The following PPP2R2B variants were observed in gnomAD, a reference collection of about 807,000 sequenced individuals.
The protein encoded by PPP2R2B is serine/threonine-protein phosphatase 2A 55 kDa regulatory subunit B beta isoform.
A neutral mutation model predicts 46.0 loss-of-function variants in PPP2R2B; 5 were observed. That is an observed-to-expected ratio of 0.11 (90% CI 0.06 to 0.23). The LOEUF is 0.23. PPP2R2B is among the 10% of genes least tolerant of loss of function. The probability of loss-of-function intolerance (pLI) is 1.00; values close to 1 mark genes in which losing one functional copy is unlikely to be tolerated. For missense variants in PPP2R2B, 367 were observed against 575.0 expected (o/e 0.64, Z 3.70); for synonymous variants, 215 against 206.7 (o/e 1.04, Z -0.34).
At chr5:146,735,207 G>C (rs1752464543) in intron 2 of PPP2R2B, among the ~76,000 whole-genome samples, 1 of 152,094 alleles carries the variant, frequency 6.6e-6, no homozygotes, top group African/African-American at 2.4e-5. Context: ...GTAAAATCAG[G>C]CTGCCAAATG....
intron 1 of PPP2R2B, among the ~76,000 whole-genome samples, chr5:147,010,249 G>T (rs1344307197): frequency 6.6e-6 from 1 of 152,122 alleles, no homozygotes; most frequent in Non-Finnish European, 1.5e-5. Flanking sequence ...GATCCCCAAC[G>T]TTTTTGGCAC....
At chr5:146,867,999 T>C (rs1761406917) in intron 2 of PPP2R2B, among the ~76,000 whole-genome samples, 1 of 152,212 alleles carries the variant, frequency 6.6e-6, no homozygotes, top group Non-Finnish European at 1.5e-5. Context: ...AGAAATTCTA[T>C]TGTGCCTGTC....
chr5:146,939,156 G>C (rs2151827955), intron 1 of PPP2R2B, among the ~76,000 whole-genome samples: 1 of 152,198 alleles, frequency 6.6e-6, no homozygotes, highest in African/African-American at 2.4e-5. Flanking sequence ...CCAGGCTCCA[G>C]GTGGTTCCAA....
At chr5:146,720,672 C>T (rs1000329916) in intron 2 of PPP2R2B, among the ~76,000 whole-genome samples, 1 of 152,140 alleles carries the variant, frequency 6.6e-6, no homozygotes, top group Non-Finnish European at 1.5e-5. Context: ...TAAGGACTTA[C>T]AGATATTTAT....
intron 1 of PPP2R2B, among the ~76,000 whole-genome samples, chr5:146,966,826 AGGTCTGTAC>A (rs1254543466): frequency 6.6e-6 from 1 of 152,174 alleles, no homozygotes; most frequent in Non-Finnish European, 1.5e-5. Flanking sequence ...CACAGAGCTA[AGGTCTGTAC>A]ATAGATCACC....
chr5:146,847,413 G>A (rs937826327), intron 2 of PPP2R2B, among the ~76,000 whole-genome samples: 1 of 152,070 alleles, frequency 6.6e-6, no homozygotes, highest in Non-Finnish European at 1.5e-5. Flanking sequence ...TTTGGATTTT[G>A]CTCCTTTTAC....
At chr5:146,658,523 G>A (rs888663303) in intron 5 of PPP2R2B, among the ~76,000 whole-genome samples, 9 of 152,132 alleles carry the variant, frequency 5.9e-5, no homozygotes, top group Admixed American at 2.0e-4. Flanking sequence ...CAGAGCAGCC[G>A]TCTTCAATGA....
intron 2 of PPP2R2B, among the ~76,000 whole-genome samples, chr5:146,785,661 A>T (rs186178289): frequency 6.6e-6 from 1 of 152,248 alleles, no homozygotes; most frequent in Non-Finnish European, 1.5e-5. Flanking sequence ...GAACTAAAAT[A>T]ATAACTAGCA....
Position 146,592,021 on chromosome 5 carries a change from AAAT to A in PPP2R2B, c.1052+947_1052+949del, listed in dbSNP as rs139426916. The A allele has an allele frequency of 2.5e-3, 902 of 355,524 alleles. 31 individuals are homozygous for A. In the East Asian group the frequency reaches 0.067, roughly 26 times the overall value. The allele number at this position is 355,524 out of a possible 1,614,324, so 22.0% of individuals were successfully genotyped here. On this transcript the variant is annotated intron_variant, in intron 9 of 9. Coordinates refer to ENST00000394411, the MANE Select transcript of PPP2R2B (RefSeq NM_181675.4). Reference sequence around the variant, plus strand: ...ACTTGAGCAATAATAACAGATATGTAAATAATAATATATGAATAAATAAATACC... The same window carrying A: ...ACTTGAGCAATAATAACAGATATGTAAATAATATATGAATAAATAAATACC...
chr5:147,040,054 G>A (rs908524207), intron 1 of PPP2R2B, among the ~76,000 whole-genome samples: 1 of 152,074 alleles, frequency 6.6e-6, no homozygotes, highest in African/African-American at 2.4e-5. Context: ...CAAGCTTTGA[G>A]AGCCTCACTT....
chr5:146,820,639 C>T (rs1377149202), intron 2 of PPP2R2B, among the ~76,000 whole-genome samples: 1 of 152,142 alleles, frequency 6.6e-6, no homozygotes, highest in Admixed American at 6.5e-5. Context: ...CTAGGCTATA[C>T]CTCTACTGAG....
intron 1 of PPP2R2B, among the ~76,000 whole-genome samples, chr5:147,036,652 G>C (rs192140820): frequency 1.3e-5 from 2 of 152,084 alleles, no homozygotes; most frequent in African/African-American, 4.8e-5. Flanking sequence ...AGCATTCCTT[G>C]TTCTCCACAA....
intron 5 of PPP2R2B, among the ~76,000 whole-genome samples, chr5:146,654,636 C>T (rs1334982749): frequency 1.3e-5 from 2 of 152,184 alleles, no homozygotes; most frequent in African/African-American, 4.8e-5. Flanking sequence ...TATATGCTTG[C>T]ATCCTCAATA....
intron 5 of PPP2R2B, 65 bp from the exon 6 acceptor site, chr5:146,650,789 G>T: frequency 7.0e-7 from 1 of 1,430,820 alleles, no homozygotes. Flanking sequence ...GAGTGTGCAT[G>T]CTAATATCAT....
chr5:146,955,468 A>G (rs896189787), intron 1 of PPP2R2B, among the ~76,000 whole-genome samples: 4 of 152,198 alleles, frequency 2.6e-5, no homozygotes, highest in African/African-American at 9.7e-5. Context: ...AATGAAAACT[A>G]TAAATTACGT....
intron 1 of PPP2R2B, among the ~76,000 whole-genome samples, chr5:146,980,656 G>GT (rs376315854): frequency 2.1e-3 from 312 of 151,990 alleles, no homozygotes; most frequent in African/African-American, 7.2e-3. Context: ...AATCTCTCTT[G>GT]TTTTTTTATG....
At chr5:146,739,695 C>T (rs1681102927) in intron 2 of PPP2R2B, among the ~76,000 whole-genome samples, 1 of 152,100 alleles carries the variant, frequency 6.6e-6, no homozygotes, top group Non-Finnish European at 1.5e-5. Flanking sequence ...TTACTCTAGC[C>T]CTGCTGTGTT....
chr5:146,725,682 A>T (rs1429101539), intron 2 of PPP2R2B, among the ~76,000 whole-genome samples: 3 of 152,228 alleles, frequency 2.0e-5, no homozygotes, highest in African/African-American at 4.8e-5. Flanking sequence ...TTTATTAAGG[A>T]GAGCTTTGTT....
chr5:146,730,942 A>G (rs1167918818), intron 2 of PPP2R2B, among the ~76,000 whole-genome samples: 2 of 152,304 alleles, frequency 1.3e-5, no homozygotes, highest in East Asian at 3.9e-4. Context: ...TCTGCATTCC[A>G]AGAAGAAACC....
Sources: gnomAD v4.1 joint callset for allele counts (sites outside exome capture counted in the v4.1 genomes callset) on GRCh38, gnomAD v4.1.1 for gene constraint, MANE v1.5 for transcripts, NCBI Gene and HGNC (gene_info 2026-07-23, HGNC 2026-07-21) for gene names.